TNFSF13B: variants seen among roughly 807,000 people sequenced by gnomAD.
The protein encoded by TNFSF13B is TNF superfamily member 13b, also known as tumor necrosis factor ligand superfamily member 13B.
TNFSF13B carries 8 observed loss-of-function variants against 29.1 expected under a neutral mutation model. The ratio of observed to expected loss-of-function variants is 0.27; its 90% CI spans 0.16 to 0.50. The LOEUF (loss-of-function observed/expected upper bound fraction) is 0.50, where lower values mean the gene tolerates loss of function less well. TNFSF13B is among the 20% of genes least tolerant of loss of function. The pLI is 0.98. For synonymous variants in TNFSF13B, 125 were observed against 130.8 expected (o/e 0.96, Z 0.30); for missense variants, 248 against 334.9 (o/e 0.74, Z 2.03).
chr13:108,275,964 C>A (rs994015167), intron 2 of TNFSF13B, among the ~76,000 whole-genome samples: 1 of 152,180 alleles, frequency 6.6e-6, no homozygotes, highest in Non-Finnish European at 1.5e-5. Flanking sequence ...AGTTTTCTAT[C>A]GGATAAACCT....
intron 3 of TNFSF13B, among the ~76,000 whole-genome samples, chr13:108,290,932 G>A (rs1881287435): frequency 6.6e-6 from 1 of 151,878 alleles, no homozygotes; most frequent in Admixed American, 6.6e-5. Context: ...GGTATAAGAT[G>A]TAAGGTATGA....
chr13:108,269,693 A>G, upstream of TNFSF13B: 2 of 503,632 alleles, frequency 4.0e-6, no homozygotes, highest in Non-Finnish European at 3.5e-6. Context: ...TCGGAGGGTA[A>G]ATGCCAGCAA....
intron 3 of TNFSF13B, among the ~76,000 whole-genome samples, chr13:108,294,757 T>C (rs1262369864): frequency 8.6e-6 from 1 of 116,348 alleles, no homozygotes; most frequent in Non-Finnish European, 2.0e-5. Flanking sequence ...CCCTTCTCTT[T>C]TACTGTTTTT....
chr13:108,277,651 G>A (rs1880798277), intron 2 of TNFSF13B, among the ~76,000 whole-genome samples: 1 of 152,186 alleles, frequency 6.6e-6, no homozygotes, highest in Non-Finnish European at 1.5e-5. Context: ...CCTCAGGGCT[G>A]CTAGTTGCCC....
intron 5 of TNFSF13B, among the ~76,000 whole-genome samples, chr13:108,305,453 G>T (rs1409413080): frequency 6.6e-6 from 1 of 152,124 alleles, no homozygotes; most frequent in African/African-American, 2.4e-5. Context: ...GTGTTAAAAT[G>T]TTAAATGGAC....
At chr13:108,279,894 T>C (rs1391420237) in intron 2 of TNFSF13B, among the ~76,000 whole-genome samples, 1 of 152,082 alleles carries the variant, frequency 6.6e-6, no homozygotes, top group Non-Finnish European at 1.5e-5. Context: ...TGCTCCTCTT[T>C]TTTTCTGATT....
intron 2 of TNFSF13B, among the ~76,000 whole-genome samples, chr13:108,272,829 A>C (rs2139039578): frequency 6.6e-6 from 1 of 152,180 alleles, no homozygotes; most frequent in Non-Finnish European, 1.5e-5. Context: ...TCTAAATATT[A>C]GTTTTAAAAA....
chr13:108,274,898 T>G (rs1880723458), intron 2 of TNFSF13B, among the ~76,000 whole-genome samples: 1 of 152,194 alleles, frequency 6.6e-6, no homozygotes, highest in African/African-American at 2.4e-5. Flanking sequence ...TCAGCCAACA[T>G]GTCCCAATGA....
chr13:108,270,481 C>T (rs1306895170), intron 2 of TNFSF13B, 57 bp downstream of exon 2: 14 of 1,505,304 alleles, frequency 9.3e-6, no homozygotes, highest in Middle Eastern at 1.7e-4. Context: ...AACATCCAGT[C>T]TGGGGGAGCT....
At chr13:108,286,410 A>G (rs1390036516) in intron 2 of TNFSF13B, among the ~76,000 whole-genome samples, 1 of 151,984 alleles carries the variant, frequency 6.6e-6, no homozygotes, top group Non-Finnish European at 1.5e-5. Context: ...GTAGTAGGTC[A>G]TTATTTAATG....
At chr13:108,270,509 C>T (rs1313044894) in intron 2 of TNFSF13B, 85 bp downstream of exon 2, 1 of 1,238,816 alleles carries the variant, frequency 8.1e-7, no homozygotes, top group Non-Finnish European at 1.2e-6. Flanking sequence ...AGTATCCCCT[C>T]TATGAACCTA....
intron 2 of TNFSF13B, 46 bp from the exon 3 acceptor site, chr13:108,286,754 TTTA>T: frequency 6.0e-6 from 8 of 1,332,208 alleles, no homozygotes; most frequent in Non-Finnish European, 8.3e-6. Flanking sequence ...TCTCAGTTTC[TTTA>T]TTATTTCTAC....
At chr13:108,270,495 GGT>G (rs1166953547) in intron 2 of TNFSF13B, 71 bp downstream of exon 2, 2 of 1,401,178 alleles carry the variant, frequency 1.4e-6, no homozygotes, top group African/African-American at 2.8e-5. Flanking sequence ...GGGAGCTGGA[GGT>G]GAGTATCCCC....
At chr13:108,273,370 A>G (rs1880673387) in intron 2 of TNFSF13B, among the ~76,000 whole-genome samples, 1 of 152,220 alleles carries the variant, frequency 6.6e-6, no homozygotes, top group African/African-American at 2.4e-5. Context: ...TGTATAAAAT[A>G]TATGTAGATA....
chr13:108,286,190 C>G (rs1019619517), intron 2 of TNFSF13B, among the ~76,000 whole-genome samples: 3 of 152,154 alleles, frequency 2.0e-5, no homozygotes, highest in Non-Finnish European at 4.4e-5. Context: ...GGTTGAAATT[C>G]TGGTCCCATC....
intron 3 of TNFSF13B, among the ~76,000 whole-genome samples, chr13:108,290,792 T>G (rs1364035013): frequency 6.6e-6 from 1 of 152,048 alleles, no homozygotes; most frequent in African/African-American, 2.4e-5. Flanking sequence ...TTTTAAAGGA[T>G]TCTGGATTTG....
At chr13:108,276,987 G>A (rs992863242) in intron 2 of TNFSF13B, among the ~76,000 whole-genome samples, 1 of 152,042 alleles carries the variant, frequency 6.6e-6, no homozygotes, top group South Asian at 2.1e-4. Context: ...TTTCTGAAGA[G>A]TTAGAGAAAC....
rs1365904487 is a variant in TNFSF13B, at chr13:108,270,104, C to T, written c.209C>T (p.Ala70Val). The change falls in exon 1 of 6, where the codon GCC (alanine) becomes GTC (valine). Residue 70 changes from alanine (A) to valine (V), a missense_variant. Physicochemically the swap from Ala to Val is moderately conservative, Grantham distance 64. Coordinates refer to ENST00000375887, the MANE Select transcript of TNFSF13B (RefSeq NM_006573.5). ...ACGGTGGTGTCTTTCTACCAGGTGGCCGCCCTGCAAGGGGACCTGGCCAGC... is the reference window on the plus strand; with the variant it reads ...ACGGTGGTGTCTTTCTACCAGGTGGTCGCCCTGCAAGGGGACCTGGCCAGC... ...CLTVVSFYQV[A>V]ALQGDLASLR... The T allele has an allele frequency of 3.1e-6, 5 of 1,603,314 alleles. No homozygotes were observed. The Admixed American group carries it at 8.3e-5, about 27-fold the overall frequency.
chr13:108,289,948 C>T (rs966713405), intron 3 of TNFSF13B, among the ~76,000 whole-genome samples: 20 of 152,044 alleles, frequency 1.3e-4, no homozygotes, highest in East Asian at 3.9e-4. Flanking sequence ...TGCATTCACA[C>T]GTTGCAAAAA....
Sources: gnomAD v4.1 joint callset for allele counts (sites outside exome capture counted in the v4.1 genomes callset) on GRCh38, gnomAD v4.1.1 for gene constraint, MANE v1.5 for transcripts, NCBI Gene and HGNC (gene_info 2026-07-23, HGNC 2026-07-21) for gene names.